SGCE: variants seen among roughly 807,000 people sequenced by gnomAD.
The protein encoded by SGCE is epsilon-sarcoglycan.
SGCE carries 26 observed loss-of-function variants against 57.8 expected under a neutral mutation model. The observed-to-expected ratio is 0.45, with a 90% CI of 0.33 to 0.62. SGCE has a LOEUF of 0.62. Among genes scored for constraint, SGCE ranks in the 20% least tolerant of loss-of-function variants. The probability of loss-of-function intolerance (pLI) is 0.02; values close to 1 mark genes in which losing one functional copy is unlikely to be tolerated. For synonymous variants in SGCE, 183 were observed against 189.5 expected (o/e 0.97, Z 0.28); for missense variants, 468 against 548.6 (o/e 0.85, Z 1.47).
chr7:94,587,268 A>G, intron 10 of SGCE: 1 of 986,972 alleles, frequency 1.0e-6, no homozygotes. Context: ...ACTACTAAAC[A>G]AATTGCCCTA....
intron 4 of SGCE, chr7:94,622,094 G>T (rs934165611): frequency 2.0e-5 from 3 of 152,134 alleles, no homozygotes; most frequent in African/African-American, 7.2e-5. Context: ...TCGTGTAAAA[G>T]TAATTTTTAA....
chr7:94,628,118 C>T, intron 3 of SGCE, 84 bp downstream of exon 3: 2 of 1,139,114 alleles, frequency 1.8e-6, no homozygotes, highest in Non-Finnish European at 2.6e-6. Flanking sequence ...AGTTTCAACA[C>T]TTAAAACTCA....
At chr7:94,631,863 T>C (rs1429712994) in intron 1 of SGCE, among the ~76,000 whole-genome samples, 3 of 152,050 alleles carry the variant, frequency 2.0e-5, no homozygotes, top group African/African-American at 4.8e-5. Context: ...TAAAGGAATC[T>C]CTTTGTAGTT....
At chr7:94,655,178 G>C (rs1231058608) in intron 1 of SGCE, among the ~76,000 whole-genome samples, 1 of 152,198 alleles carries the variant, frequency 6.6e-6, no homozygotes, top group East Asian at 1.9e-4. Context: ...ATGTAACGTT[G>C]CAAGGGAAGC....
At chr7:94,602,371 T>C (rs1250969181) in intron 6 of SGCE, among the ~76,000 whole-genome samples, 1 of 152,160 alleles carries the variant, frequency 6.6e-6, no homozygotes, top group Non-Finnish European at 1.5e-5. Flanking sequence ...CAAGGAGTGC[T>C]AAGTGTTGCA....
intron 6 of SGCE, among the ~76,000 whole-genome samples, chr7:94,602,034 A>G (rs561327554): frequency 6.6e-6 from 1 of 152,290 alleles, no homozygotes; most frequent in East Asian, 1.9e-4. Flanking sequence ...AAAAATCTTC[A>G]AGGAGTATAT....
intron 4 of SGCE, chr7:94,622,340 A>G (rs1802921940): frequency 6.6e-6 from 1 of 152,168 alleles, no homozygotes; most frequent in African/African-American, 2.4e-5. Context: ...ATACAATTCA[A>G]CTACAGGCCA....
chr7:94,602,020 A>G (rs912722002), intron 6 of SGCE, among the ~76,000 whole-genome samples: 3 of 152,196 alleles, frequency 2.0e-5, no homozygotes, highest in African/African-American at 7.2e-5. Flanking sequence ...CTTAACAGAT[A>G]AACAAAAATC....
At chr7:94,615,729 A>C (rs990126764) in intron 5 of SGCE, among the ~76,000 whole-genome samples, 7 of 152,162 alleles carry the variant, frequency 4.6e-5, no homozygotes, top group African/African-American at 1.7e-4. Context: ...AAAAGTGAGT[A>C]TATTCTTTAA....
intron 2 of SGCE, chr7:94,628,631 T>C (rs1055337093): frequency 6.7e-5 from 27 of 402,628 alleles, no homozygotes; most frequent in African/African-American, 5.5e-4. Flanking sequence ...CTAACAGTGA[T>C]ATAGTTCTGC....
intron 1 of SGCE, among the ~76,000 whole-genome samples, chr7:94,641,955 G>A (rs1806445405): frequency 6.6e-6 from 1 of 152,046 alleles, no homozygotes. Context: ...GGCTAAAACC[G>A]AGGCTACCGA....
intron 1 of SGCE, among the ~76,000 whole-genome samples, chr7:94,636,623 G>T (rs1194114664): frequency 6.6e-6 from 1 of 152,180 alleles, no homozygotes; most frequent in African/African-American, 2.4e-5. Flanking sequence ...AAAAAGAAGA[G>T]ATTCCATAGT....
chr7:94,586,329 G>A (rs1055178502), intron 10 of SGCE, among the ~76,000 whole-genome samples: 2 of 151,944 alleles, frequency 1.3e-5, no homozygotes, highest in African/African-American at 2.4e-5. Flanking sequence ...AAAAGCTGCC[G>A]TACTCACAAA....
In SGCE at chr7:94,599,743, T is replaced by A; in HGVS notation, c.1038-20A>T. The A allele has an allele frequency of 6.6e-7, 1 of 1,524,208 alleles. No homozygotes were observed. Among genetic ancestry groups the A allele is most frequent in the Non-Finnish European group, 9.1e-7 (1 of 1,099,172 alleles). 94.4% of individuals were successfully genotyped at this position (1,524,208 alleles called of 1,614,324 possible). A position where few individuals can be genotyped will look rare whatever the true frequency, so the allele number is the denominator to read the frequency against. ...TTTTCCCTAGAAACAAAACAAAATT[T>A]ATGAATTAAATAATAGCATTGATAT... On this transcript the variant is annotated intron_variant, in intron 7 of 10. Coordinates refer to ENST00000648936, the MANE Select transcript of SGCE (RefSeq NM_003919.3).
intron 5 of SGCE, among the ~76,000 whole-genome samples, chr7:94,608,510 T>C (rs1020800067): frequency 2.0e-5 from 3 of 152,226 alleles, no homozygotes; most frequent in African/African-American, 7.2e-5. Flanking sequence ...AAATTAATTA[T>C]AGATTCAATG....
intron 1 of SGCE, among the ~76,000 whole-genome samples, chr7:94,643,793 G>C (rs1419279951): frequency 6.6e-6 from 1 of 152,146 alleles, no homozygotes; most frequent in Non-Finnish European, 1.5e-5. Flanking sequence ...ATTGAAAAAG[G>C]CTAGTATTTT....
chr7:94,618,354 T>C (rs1356419008), intron 5 of SGCE: 1 of 172,662 alleles, frequency 5.8e-6, no homozygotes, highest in Non-Finnish European at 1.2e-5. Flanking sequence ...CACTGACACA[T>C]GGTGGAAAGA....
At chr7:94,608,393 G>A (rs1800491323) in intron 5 of SGCE, among the ~76,000 whole-genome samples, 3 of 152,112 alleles carry the variant, frequency 2.0e-5, no homozygotes, top group African/African-American at 7.2e-5. Flanking sequence ...GTATGAGGAA[G>A]ACTACAAAAC....
intron 1 of SGCE, among the ~76,000 whole-genome samples, chr7:94,635,072 T>C (rs375145611): frequency 6.6e-6 from 1 of 152,200 alleles, no homozygotes; most frequent in South Asian, 2.1e-4. Flanking sequence ...AATTAATAAG[T>C]AACTTATTAA....
Sources: allele counts gnomAD v4.1 joint callset (sites outside exome capture counted in the v4.1 genomes callset), GRCh38; gene constraint gnomAD v4.1.1; transcripts MANE v1.5; gene names NCBI Gene and HGNC (gene_info 2026-07-23, HGNC 2026-07-21).